Variants in CHCHD6 observed in about 807,000 individuals in gnomAD.
CHCHD6 encodes the protein MICOS complex subunit MIC25.
CHCHD6 carries 28 observed loss-of-function variants against 32.3 expected under a neutral mutation model. That is an observed-to-expected ratio of 0.87 (90% CI 0.64 to 1.19). CHCHD6 has a LOEUF of 1.19. Ranked by LOEUF, CHCHD6 falls within the 50% of genes most tolerant of loss-of-function variation. The probability of loss-of-function intolerance (pLI) is 0.00; values close to 1 mark genes in which losing one functional copy is unlikely to be tolerated. For synonymous variants in CHCHD6, 122 were observed against 117.5 expected (o/e 1.04, Z -0.25); for missense variants, 333 against 307.0 (o/e 1.08, Z -0.63).
chr3:126,785,089 A>G (rs1938131849), intron 4 of CHCHD6, among the ~76,000 whole-genome samples: 1 of 152,144 alleles, frequency 6.6e-6, no homozygotes, highest in African/African-American at 2.4e-5. Context: ...CATCTTGCAC[A>G]ACTTGCACGG....
chr3:126,821,732 G>GCTGGTT (rs1940164031), intron 4 of CHCHD6, among the ~76,000 whole-genome samples: 1 of 152,104 alleles, frequency 6.6e-6, no homozygotes, highest in African/African-American at 2.4e-5. Flanking sequence ...CCCACCTCAT[G>GCTGGTT]CTTGTTCTTG....
chr3:126,713,250 G>A lies in CHCHD6; in HGVS notation c.87+8851G>A, dbSNP rs567849306. Reference sequence around the variant, plus strand: ...GCAGACAGTTAAAAAGGAGTTGCCCGGGGAAAAGCTTGTCTCCCTTCCACT... The same window carrying A: ...GCAGACAGTTAAAAAGGAGTTGCCCAGGGAAAAGCTTGTCTCCCTTCCACT... On this transcript the variant is annotated intron_variant, in intron 1 of 7. Transcript: ENST00000290913. 2.0e-4 allele frequency among the ~76,000 whole-genome samples: 30 copies of A among 152,270 alleles called. 1 individual carries two copies. In the South Asian group the frequency reaches 3.3e-3, roughly 17 times the overall value.
At chr3:126,749,955 C>G (rs968946893) in intron 4 of CHCHD6, among the ~76,000 whole-genome samples, 2 of 152,156 alleles carry the variant, frequency 1.3e-5, no homozygotes, top group African/African-American at 4.8e-5. Flanking sequence ...TCCTCATTAC[C>G]TCTTGAAAAC....
intron 5 of CHCHD6, among the ~76,000 whole-genome samples, chr3:126,899,516 CA>C (rs573830288): frequency 9.8e-4 from 149 of 152,286 alleles, no homozygotes; most frequent in African/African-American, 3.5e-3. Context: ...GAGATGAACC[CA>C]ATGCCAATTC....
At chr3:126,891,130 CA>C (rs1385173731) in intron 5 of CHCHD6, among the ~76,000 whole-genome samples, 3 of 152,134 alleles carry the variant, frequency 2.0e-5, no homozygotes, top group African/African-American at 7.2e-5. Context: ...GGGAGACAGC[CA>C]GTAGACCAGC....
At chr3:126,908,079 G>T (rs1455087004) in intron 5 of CHCHD6, among the ~76,000 whole-genome samples, 1 of 1,088 alleles carries the variant, frequency 9.2e-4, no homozygotes, top group Non-Finnish European at 8.6e-3. Context: ...GAATTGACCT[G>T]TTGGAAAATC....
rs936974914 is a variant in CHCHD6 at position 126,879,896 on chromosome 3, C to G, written c.495+27166C>G. Among the ~76,000 whole-genome samples the G allele has an allele frequency of 3.3e-5, 5 of 152,152 alleles. No individual in the cohort carries two copies. In the East Asian group the frequency reaches 9.6e-4, roughly 29 times the overall value. On this transcript the variant is annotated intron_variant, in intron 5 of 7. Transcript: ENST00000290913. ...GGTGAAACCCTAACAAGTGATGAAT[C>G]TAGGTGAAATGTATATGGGCACTTA...
Position 126,960,131 on chromosome 3 carries a change from T to C in CHCHD6, c.703-65T>C, listed in dbSNP as rs144976092. 1.2e-3 allele frequency: 1,804 copies of C among 1,549,166 alleles called. 10 individuals are homozygous for C. The African/African-American group carries it at 0.015, about 13-fold the overall frequency. On this transcript the variant is annotated intron_variant, in intron 7 of 7. Transcript: ENST00000290913. Reference sequence around the variant, plus strand: ...AAGCGGTTGCTGTCACAGGGCGATCTGCACGGAGCTGGAGGGCATGGGCGG... The same window carrying C: ...AAGCGGTTGCTGTCACAGGGCGATCCGCACGGAGCTGGAGGGCATGGGCGG...
chr3:126,757,707 G>A (rs1312506469), intron 4 of CHCHD6, among the ~76,000 whole-genome samples: 1 of 152,178 alleles, frequency 6.6e-6, no homozygotes, highest in Non-Finnish European at 1.5e-5. Context: ...TGGACAAGTA[G>A]GCCACAGAAG....
intron 1 of CHCHD6, among the ~76,000 whole-genome samples, chr3:126,722,866 A>G (rs1403122876): frequency 1.3e-5 from 2 of 152,168 alleles, no homozygotes; most frequent in African/African-American, 2.4e-5. Context: ...CATCTCTAAG[A>G]ACGTATTGCC....
chr3:126,858,743 G>T (rs1391156754), intron 5 of CHCHD6, among the ~76,000 whole-genome samples: 5 of 152,188 alleles, frequency 3.3e-5, no homozygotes, highest in Non-Finnish European at 5.9e-5. Context: ...CTGGGCTCTT[G>T]CCTCCTCTGA....
In CHCHD6 at chr3:126,932,492, T is replaced by A. The variant is rs559621306; in HGVS notation, c.566+17742T>A. ...TGACTTCTGAACTGCCTCAAAGAGATCTGTTACTTTTTCCTCTGGTGAGGA... is the reference window on the plus strand; with the variant it reads ...TGACTTCTGAACTGCCTCAAAGAGAACTGTTACTTTTTCCTCTGGTGAGGA... On this transcript the variant is annotated intron_variant, in intron 6 of 7. Transcript: ENST00000290913. Among the ~76,000 whole-genome samples, 91 of 152,250 alleles carry A rather than the reference T, an allele frequency of 6.0e-4. 1 individual carries two copies. Among genetic ancestry groups the A allele is most frequent in the Non-Finnish European group, 3.1e-4 (21 of 68,012 alleles).
chr3:126,938,354 T>C (rs1392074575), intron 6 of CHCHD6, among the ~76,000 whole-genome samples: 5 of 152,186 alleles, frequency 3.3e-5, no homozygotes, highest in East Asian at 3.9e-4. Context: ...ACAGAACCGC[T>C]CTTCATCTGT....
chr3:126,826,316 T>C (rs530243927), intron 4 of CHCHD6, among the ~76,000 whole-genome samples: 11 of 152,358 alleles, frequency 7.2e-5, no homozygotes, highest in African/African-American at 2.6e-4. Context: ...AAAGTTTTTA[T>C]GATGATGCCT....
rs879262899 is a variant in CHCHD6, at chr3:126,864,967, A to T, written c.495+12237A>T. On this transcript the variant is annotated intron_variant, in intron 5 of 7. Transcript: ENST00000290913. The stretch of plus-strand genomic sequence containing the variant: ...CACCATCATCTCCTCCTCCATCACC[A>T]CCTCCATCATCACCACTACCACCAT... 4.5e-3 allele frequency among the ~76,000 whole-genome samples: 642 copies of T among 141,878 alleles called. 6 individuals are homozygous for T. The highest frequency in any genetic ancestry group is 7.2e-3 in the Non-Finnish European group (467 of 64,920). 93.1% of individuals were successfully genotyped at this position (141,878 alleles called of 152,430 possible).
intron 4 of CHCHD6, among the ~76,000 whole-genome samples, chr3:126,759,476 A>G (rs537950629): frequency 6.6e-6 from 1 of 152,208 alleles, no homozygotes; most frequent in Non-Finnish European, 1.5e-5. Context: ...TGCATTTCTT[A>G]TAGTTGCTGT....
At chr3:126,785,960 A>G (rs553938505) in intron 4 of CHCHD6, among the ~76,000 whole-genome samples, 15 of 152,228 alleles carry the variant, frequency 9.9e-5, no homozygotes, top group African/African-American at 3.4e-4. Flanking sequence ...TATATCTCCT[A>G]ATGCTATCCC....
At chr3:126,720,326 C>G (rs747157247) in intron 1 of CHCHD6, among the ~76,000 whole-genome samples, 5 of 152,182 alleles carry the variant, frequency 3.3e-5, no homozygotes, top group Non-Finnish European at 7.4e-5. Context: ...ACATAGATCC[C>G]AGGACCCCTG....
At chr3:126,848,054 A>G (rs1576489594) in intron 4 of CHCHD6, among the ~76,000 whole-genome samples, 1 of 152,108 alleles carries the variant, frequency 6.6e-6, no homozygotes. Context: ...ATCATAACTC[A>G]CCGCAGCCTC....
Sources: gnomAD v4.1 joint callset for allele counts (sites outside exome capture counted in the v4.1 genomes callset) on GRCh38, gnomAD v4.1.1 for gene constraint, MANE v1.5 for transcripts, NCBI Gene and HGNC (gene_info 2026-07-23, HGNC 2026-07-21) for gene names.